Variants in TASP1 observed in about 807,000 individuals in gnomAD.
TASP1 encodes the protein taspase 1.
TASP1 carries 16 observed loss-of-function variants against 56.6 expected under a neutral mutation model. That is an observed-to-expected ratio of 0.28 (90% confidence interval 0.19 to 0.43). The LOEUF (loss-of-function observed/expected upper bound fraction) is 0.43, where lower values mean the gene tolerates loss of function less well. TASP1 is among the 20% of genes least tolerant of loss of function. The pLI is 1.00. For missense variants in TASP1, 393 were observed against 511.6 expected, an observed-to-expected ratio of 0.77 and a Z score of 2.24; for synonymous variants, 179 against 184.2, an observed-to-expected ratio of 0.97 and a Z score of 0.23.
chr20:13,262,927 G>A, the TASP1 span, among the ~76,000 whole-genome samples: 8 of 152,234 alleles, frequency 5.3e-5, no homozygotes, highest in African/African-American at 1.7e-4. Flanking sequence ...ACATTCTGCC[G>A]CCATAACTAG....
intron 11 of TASP1, among the ~76,000 whole-genome samples, chr20:13,453,976 A>G (rs2043729083): frequency 6.6e-6 from 1 of 151,966 alleles, no homozygotes; most frequent in African/African-American, 2.4e-5. Context: ...GATGAGGAAG[A>G]TGAAGGTTGG....
chr20:13,549,578 A>T (rs2045913829), intron 8 of TASP1, among the ~76,000 whole-genome samples: 1 of 152,128 alleles, frequency 6.6e-6, no homozygotes, highest in Admixed American at 6.6e-5. Flanking sequence ...ATAGCATATG[A>T]TATCACATGG....
chr20:13,624,514 AAGAGC>A (rs1483579418), intron 3 of TASP1, among the ~76,000 whole-genome samples: 1 of 152,190 alleles, frequency 6.6e-6, no homozygotes, highest in Non-Finnish European at 1.5e-5. Context: ...TATCAATGAA[AAGAGC>A]AGAGAGAGAG....
Position 13,524,150 on chromosome 20 carries a change from CT to C in TASP1, c.874+4282del, listed in dbSNP as rs879880860. Reference sequence around the variant, plus strand: ...CCTAGGCGACAGAGTGAGACTTTGTCTTTTTTTTTTTTAAAGGAAAGAAAAA... The same window carrying C: ...CCTAGGCGACAGAGTGAGACTTTGTCTTTTTTTTTTTAAAGGAAAGAAAAA... On this transcript the variant is annotated intron_variant, in intron 10 of 13. Coordinates refer to ENST00000337743, the MANE Select transcript of TASP1 (RefSeq NM_017714.3). Among the ~76,000 whole-genome samples the C allele has an allele frequency of 2.4e-3, 339 of 144,122 alleles. 4 individuals carry two copies. The highest frequency in any genetic ancestry group is 0.017 in the East Asian group (85 of 4,980). 94.5% of individuals were successfully genotyped at this position (144,122 alleles called of 152,430 possible). A position where few individuals can be genotyped will look rare whatever the true frequency, so the allele number is the denominator to read the frequency against.
At chr20:13,163,991 T>C in the TASP1 span, among the ~76,000 whole-genome samples, 208 of 152,262 alleles carry the variant, frequency 1.4e-3, no homozygotes, top group African/African-American at 4.7e-3. Flanking sequence ...GCCATGTTGG[T>C]GTGCTGCACC....
At chr20:13,621,554 C>T (rs2048718663) in intron 4 of TASP1, among the ~76,000 whole-genome samples, 1 of 151,920 alleles carries the variant, frequency 6.6e-6, no homozygotes, top group African/African-American at 2.4e-5. Context: ...AATAATAGAA[C>T]AAGAAATTTT....
chr20:13,323,602 T>C, the TASP1 span, among the ~76,000 whole-genome samples: 1 of 152,236 alleles, frequency 6.6e-6, no homozygotes, highest in Non-Finnish European at 1.5e-5. Flanking sequence ...AGTATCTCAT[T>C]TAATCTTTAT....
chr20:13,379,828 C>G, the TASP1 span, among the ~76,000 whole-genome samples: 4 of 152,152 alleles, frequency 2.6e-5, no homozygotes, highest in African/African-American at 9.7e-5. Context: ...AGTTGATCTT[C>G]AAACTCTGAT....
chr20:13,610,591 T>C (rs1434094000), intron 4 of TASP1, among the ~76,000 whole-genome samples: 1 of 152,176 alleles, frequency 6.6e-6, no homozygotes, highest in Non-Finnish European at 1.5e-5. Flanking sequence ...AAAATAAGAT[T>C]GCAAATTTTT....
At chr20:13,303,429 AG>A in the TASP1 span, among the ~76,000 whole-genome samples, 1 of 152,248 alleles carries the variant, frequency 6.6e-6, no homozygotes, top group African/African-American at 2.4e-5. Flanking sequence ...TCTAAAAGAT[AG>A]CCTGATCCAT....
the TASP1 span, among the ~76,000 whole-genome samples, chr20:13,302,815 C>T: frequency 6.6e-6 from 1 of 151,954 alleles, no homozygotes; most frequent in Non-Finnish European, 1.5e-5. Context: ...GAGATGCCCA[C>T]GGCCCTCTAG....
At chr20:13,599,566 T>C (rs920504886) in intron 4 of TASP1, among the ~76,000 whole-genome samples, 1 of 152,066 alleles carries the variant, frequency 6.6e-6, no homozygotes, top group African/African-American at 2.4e-5. Context: ...TTAGGAGAAA[T>C]ACCTAATGTA....
At chr20:13,178,652 A>G in the TASP1 span, among the ~76,000 whole-genome samples, 1 of 152,038 alleles carries the variant, frequency 6.6e-6, no homozygotes, top group Non-Finnish European at 1.5e-5. Flanking sequence ...AGGAACAGAA[A>G]GTTAAACACC....
chr20:13,117,624 G>C, the TASP1 span: 1 of 1,614,100 alleles, frequency 6.2e-7, no homozygotes, highest in Non-Finnish European at 8.5e-7. Flanking sequence ...CGGCCGGGGT[G>C]TCACGGAGTT....
At chr20:13,108,118 G>A in the TASP1 span, among the ~76,000 whole-genome samples, 1 of 152,108 alleles carries the variant, frequency 6.6e-6, no homozygotes. Flanking sequence ...CAGCTTGGAA[G>A]GTGCCATGCT....
the TASP1 span, among the ~76,000 whole-genome samples, chr20:13,152,367 C>T: frequency 1.3e-5 from 2 of 152,272 alleles, no homozygotes; most frequent in South Asian, 2.1e-4. Context: ...TTAGTAGCCA[C>T]CACCTGAATT....
At chr20:13,144,342 C>A in the TASP1 span, among the ~76,000 whole-genome samples, 2 of 152,328 alleles carry the variant, frequency 1.3e-5, no homozygotes, top group East Asian at 3.9e-4. Flanking sequence ...CTGAACACAA[C>A]AGCCACTTAC....
At chr20:13,311,101 G>T in the TASP1 span, among the ~76,000 whole-genome samples, 2 of 152,074 alleles carry the variant, frequency 1.3e-5, no homozygotes, top group Non-Finnish European at 2.9e-5. Context: ...GGCTGAGGTG[G>T]GAGAATCACT....
At chr20:13,106,837 G>A in the TASP1 span, among the ~76,000 whole-genome samples, 1 of 152,170 alleles carries the variant, frequency 6.6e-6, no homozygotes, top group Non-Finnish European at 1.5e-5. Context: ...GACCTCTTCA[G>A]ATCTAGGTTT....
Sources: gnomAD v4.1 joint callset for allele counts (sites outside exome capture counted in the v4.1 genomes callset) on GRCh38, gnomAD v4.1.1 for gene constraint, MANE v1.5 for transcripts, NCBI Gene and HGNC (gene_info 2026-07-23, HGNC 2026-07-21) for gene names.